Variants in PIBF1 observed in about 807,000 individuals in gnomAD.
The protein encoded by PIBF1 is progesterone-induced-blocking factor 1.
Under a neutral mutation model 112.5 loss-of-function variants are expected in PIBF1, and 90 were observed. That is an observed-to-expected ratio of 0.80 (90% CI 0.67 to 0.95). The LOEUF (loss-of-function observed/expected upper bound fraction) is 0.95. PIBF1 is among the 40% of genes least tolerant of loss of function. The pLI, the probability that PIBF1 is intolerant of heterozygous loss-of-function variation, is 0.00. For missense variants in PIBF1, 915 were observed against 852.3 expected (o/e 1.07, Z -0.92); for synonymous variants, 301 against 288.6 (o/e 1.04, Z -0.44).
chr13:72,790,602 G>A (rs924998581), intron 2 of PIBF1, among the ~76,000 whole-genome samples: 10 of 152,078 alleles, frequency 6.6e-5, no homozygotes, highest in Non-Finnish European at 1.5e-4. Flanking sequence ...CCATGGGATT[G>A]TATGGTATTT....
At chr13:72,986,077 C>A (rs1336864203) in intron 16 of PIBF1, among the ~76,000 whole-genome samples, 1 of 151,978 alleles carries the variant, frequency 6.6e-6, no homozygotes, top group Non-Finnish European at 1.5e-5. Flanking sequence ...GTGGGAGGAC[C>A]ACTTGACCCC....
At chr13:72,811,568 C>G (rs1292317456) in intron 5 of PIBF1, among the ~76,000 whole-genome samples, 1 of 142,618 alleles carries the variant, frequency 7.0e-6, no homozygotes, top group African/African-American at 2.6e-5. Context: ...TGCTCTCTAG[C>G]CTGGGTGACA....
At chr13:72,880,884 G>C (rs946964484) in intron 10 of PIBF1, among the ~76,000 whole-genome samples, 36 of 152,242 alleles carry the variant, frequency 2.4e-4, no homozygotes, top group Admixed American at 7.2e-4. Context: ...GCAGATTTCA[G>C]CTTTGCTACT....
At chr13:72,783,748 C>T (rs1003316602) in intron 2 of PIBF1, 27 bp downstream of exon 2, 10 of 1,600,012 alleles carry the variant, frequency 6.2e-6, no homozygotes, top group African/African-American at 1.3e-5. Context: ...ATTTTGTGTT[C>T]TATATGCTTT....
At chr13:72,795,266 T>C (rs2035133027) in intron 3 of PIBF1, 93 bp from the exon 4 acceptor site, 1 of 769,578 alleles carries the variant, frequency 1.3e-6, no homozygotes, top group Non-Finnish European at 2.2e-6. Flanking sequence ...GTTTCTGATT[T>C]CCTAACTTTA....
At chr13:72,839,707 C>A (rs151167289) in intron 9 of PIBF1, among the ~76,000 whole-genome samples, 1 of 152,032 alleles carries the variant, frequency 6.6e-6, no homozygotes, top group East Asian at 1.9e-4. Flanking sequence ...TGAAAATTTC[C>A]TCATTTTTTA....
intron 10 of PIBF1, among the ~76,000 whole-genome samples, chr13:72,884,858 A>G (rs1260582291): frequency 6.6e-6 from 1 of 152,198 alleles, no homozygotes; most frequent in East Asian, 1.9e-4. Flanking sequence ...TATTTGGTCC[A>G]TTAAGTCTAA....
intron 14 of PIBF1, among the ~76,000 whole-genome samples, chr13:72,956,337 A>ATG (rs1022830778): frequency 2.6e-5 from 4 of 151,886 alleles, no homozygotes; most frequent in Middle Eastern, 3.4e-3. Context: ...CCTTCAAAGT[A>ATG]TGTGTGTGTA....
Position 72,876,432 on chromosome 13 carries a change from A to G in PIBF1, c.1323-17352A>G, listed in dbSNP as rs75697520. Among the ~76,000 whole-genome samples the G allele has an allele frequency of 8.6e-3, 1,306 of 152,072 alleles. 66 individuals are homozygous for G. The highest frequency in any genetic ancestry group is 0.011 in the East Asian group (56 of 5,176). ...GCTATTCTGGGTCTTTTGCCTGTCT[A>G]TATTAACTTTAGAATCCGTTTGTCT... On this transcript the variant is annotated intron_variant, in intron 10 of 17. Transcript: ENST00000326291.
chr13:72,802,054 TATAAC>T (rs1436375326), intron 5 of PIBF1, among the ~76,000 whole-genome samples: 1 of 152,206 alleles, frequency 6.6e-6, no homozygotes, highest in Admixed American at 6.5e-5. Flanking sequence ...ATATAATACA[TATAAC>T]ATACAAAATA....
chr13:72,857,971 C>A (rs2038504723), intron 10 of PIBF1, among the ~76,000 whole-genome samples: 1 of 151,534 alleles, frequency 6.6e-6, no homozygotes, highest in Non-Finnish European at 1.5e-5. Flanking sequence ...TAAATTGGTA[C>A]AACTAATATG....
At chr13:72,818,349 G>C (rs2036388404) in intron 5 of PIBF1, among the ~76,000 whole-genome samples, 1 of 152,016 alleles carries the variant, frequency 6.6e-6, no homozygotes, top group Non-Finnish European at 1.5e-5. Context: ...TTCCACTTCA[G>C]CTGCTACCTA....
intron 9 of PIBF1, among the ~76,000 whole-genome samples, chr13:72,840,764 A>T (rs1205942305): frequency 6.6e-6 from 1 of 152,058 alleles, no homozygotes; most frequent in Non-Finnish European, 1.5e-5. Flanking sequence ...GACCTCAGGT[A>T]GTCTGCCTGC....
At position 72,821,965 on chromosome 13, in the gene PIBF1, C is replaced by A. The variant is rs376173304; in HGVS notation, c.789C>A (p.Asn263Lys). ...LIQQGDYRQE[N>K]YDKVKSERDA... ...AGCAAGGTGACTACCGTCAAGAGAA[C>A]TATGATAAAGTCAAGAGGTAAGTAG... The change falls in exon 6 of 18, where the codon AAC becomes AAA. Residue 263 changes from asparagine (N) to lysine (K), a missense_variant. Coordinates refer to ENST00000326291, the MANE Select transcript of PIBF1 (RefSeq NM_006346.4). 9.9e-6 allele frequency: 16 copies of A among 1,611,226 alleles called. No homozygotes were observed. The highest frequency in any genetic ancestry group is 1.7e-5 in the Admixed American group (1 of 59,566).
intron 9 of PIBF1, among the ~76,000 whole-genome samples, chr13:72,839,090 A>C (rs900956803): frequency 2.6e-5 from 4 of 152,238 alleles, no homozygotes; most frequent in African/African-American, 9.6e-5. Flanking sequence ...ATTTTATATC[A>C]AAAGATCACT....
intron 5 of PIBF1, among the ~76,000 whole-genome samples, chr13:72,808,297 G>C (rs932872171): frequency 1.3e-5 from 2 of 152,082 alleles, no homozygotes; most frequent in African/African-American, 4.8e-5. Flanking sequence ...TAAAATAGGA[G>C]CTTTAAAATT....
chr13:72,897,371 C>G (rs1036488727), intron 11 of PIBF1, among the ~76,000 whole-genome samples: 4 of 152,090 alleles, frequency 2.6e-5, no homozygotes, highest in African/African-American at 7.2e-5. Context: ...CACACAGGAC[C>G]TATAAAACAA....
intron 13 of PIBF1, among the ~76,000 whole-genome samples, chr13:72,921,362 C>G (rs1025071355): frequency 6.6e-5 from 10 of 152,088 alleles, no homozygotes; most frequent in Admixed American, 2.0e-4. Flanking sequence ...ATCTGCCCAC[C>G]ACGGCCTCCC....
chr13:72,918,015 A>G (rs1446892702), intron 13 of PIBF1, among the ~76,000 whole-genome samples: 1 of 152,178 alleles, frequency 6.6e-6, no homozygotes, highest in Non-Finnish European at 1.5e-5. Flanking sequence ...CTGTATGCTA[A>G]CAGAAAATTA....
Sources: gnomAD v4.1 joint callset for allele counts (sites outside exome capture counted in the v4.1 genomes callset) on GRCh38, gnomAD v4.1.1 for gene constraint, MANE v1.5 for transcripts, NCBI Gene and HGNC (gene_info 2026-07-23, HGNC 2026-07-21) for gene names.